NOTCH1: variants seen among roughly 807,000 people sequenced by gnomAD.
NOTCH1 encodes the protein notch receptor 1, also known as neurogenic locus notch homolog protein 1.
NOTCH1 carries 37 observed loss-of-function variants against 254.8 expected under a neutral mutation model. The observed-to-expected ratio is 0.15, with a 90% CI of 0.11 to 0.19. NOTCH1 has a LOEUF of 0.19. Among genes scored for constraint, NOTCH1 ranks in the 10% least tolerant of loss-of-function variants. The pLI, the probability that NOTCH1 is intolerant of heterozygous loss-of-function variation, is 1.00. For missense variants in NOTCH1, 2,972 were observed against 3,708.6 expected, an observed-to-expected ratio of 0.80 and a Z score of 5.16; for synonymous variants, 1,731 against 1,618.1, an observed-to-expected ratio of 1.07 and a Z score of -1.68.
Position 136,513,399 on chromosome 9 carries a change from G to A in NOTCH1, c.2346C>T (p.Gly782=). The A allele has an allele frequency of 1.9e-6, 3 of 1,612,890 alleles. No individual in the cohort carries two copies. Among genetic ancestry groups the A allele is most frequent in the Non-Finnish European group, 2.5e-6 (3 of 1,180,008 alleles). Residue 782 remains glycine (G), a synonymous_variant, in exon 14 of 34, where the codon GGC becomes GGT. Coordinates refer to ENST00000651671, the MANE Select transcript of NOTCH1 (RefSeq NM_017617.5). The surrounding 1 kb of genome is among the most constrained non-coding windows in gnomAD (Gnocchi z 4.7). ...AACGCGCAGCCCACTCACCGCTGAAGCCCTCCCGGCAGGTGCACACGTAGC... is the reference window on the plus strand; with the variant it reads ...AACGCGCAGCCCACTCACCGCTGAAACCCTCCCGGCAGGTGCACACGTAGC... The part of the protein sequence containing the change: ...TSGYVCTCRE[G]FSGPNCQTNI...
At chr9:136,521,553 G>A (rs151312659) in intron 4 of NOTCH1, among the ~76,000 whole-genome samples, 3 of 152,214 alleles carry the variant, frequency 2.0e-5, no homozygotes, top group East Asian at 1.9e-4. Flanking sequence ...CCTGAACCAC[G>A]GCCCCCCAAG....
chr9:136,496,671 GGCAGCA>G lies in NOTCH1; in HGVS notation c.7062_7067del (p.Ala2355_Ala2356del). On this transcript the variant is annotated inframe_deletion, in exon 34 of 34. Coordinates refer to ENST00000651671, the MANE Select transcript of NOTCH1 (RefSeq NM_017617.5). ...AGCTCATCATCTGGGACAGGGCGCT[GGCAGCA>G]AGGCTACTGTGCAGCGGGCCTACCA... is the stretch of plus-strand genomic sequence containing the variant. 6.2e-7 allele frequency: 1 copy of G among 1,612,924 alleles called. No individual in the cohort carries two copies. The highest frequency in any genetic ancestry group is 8.5e-7 in the Non-Finnish European group (1 of 1,179,924).
rs376645708 is a variant in NOTCH1, at chr9:136,497,676, A to T, written c.6181-118T>A. The T allele has an allele frequency of 5.6e-5, 46 of 818,160 alleles. No homozygotes were observed. The African/African-American group carries it at 7.7e-4, about 14-fold the overall frequency. The allele number at this position is 818,160 out of a possible 1,614,324, so 50.7% of individuals were successfully genotyped here. A position where few individuals can be genotyped will look rare whatever the true frequency, so the allele number is the denominator to read the frequency against. On this transcript the variant is annotated intron_variant, in intron 33 of 33. Coordinates refer to ENST00000651671, the MANE Select transcript of NOTCH1 (RefSeq NM_017617.5). ...CCTCCTCCGCGGGGTGGGGGCAGGCAGGCTGCTCCTCAGGACCCCACCCCA... is the reference window on the plus strand; with the variant it reads ...CCTCCTCCGCGGGGTGGGGGCAGGCTGGCTGCTCCTCAGGACCCCACCCCA...
chr9:136,525,594 G>A (rs1449204479), intron 2 of NOTCH1, among the ~76,000 whole-genome samples: 1 of 152,202 alleles, frequency 6.6e-6, no homozygotes, highest in Non-Finnish European at 1.5e-5. Context: ...TGGGTGCGGG[G>A]CTGCGGCGGC....
intron 30 of NOTCH1, among the ~76,000 whole-genome samples, chr9:136,501,265 C>G (rs1182285887): frequency 6.6e-6 from 1 of 151,908 alleles, no homozygotes; most frequent in African/African-American, 2.4e-5. Context: ...GAAACCCCAT[C>G]GCTGCTAAAA....
chr9:136,521,530 C>T (rs892854173), intron 4 of NOTCH1, among the ~76,000 whole-genome samples: 2 of 152,210 alleles, frequency 1.3e-5, no homozygotes, highest in East Asian at 3.9e-4. Flanking sequence ...CGCACACACC[C>T]CACCTGCCCT....
In NOTCH1 at chr9:136,515,703, C is replaced by T. The variant is rs766351093; in HGVS notation, c.1683G>A (p.Thr561=). ...ACTCATCGATGTCCACCTCGCAGTG[C>T]GTCCCCGTGTACCCTGGACCGTGGG... ...TCVCTEGYTG[T]HCEVDIDECD... is the part of the protein sequence containing the mutation. The change falls in exon 11 of 34, where the codon ACG becomes ACA. Residue 561 remains threonine, a synonymous_variant. Transcript: ENST00000651671. The T allele has an allele frequency of 2.7e-5, 42 of 1,541,972 alleles. No homozygotes were observed. Among genetic ancestry groups the T allele is most frequent in the African/African-American group, 5.5e-5 (4 of 73,168 alleles).
In NOTCH1 at chr9:136,510,662, AGTC is replaced by A. The variant is rs781069219; in HGVS notation, c.2728_2730del (p.Asp910del). On this transcript the variant is annotated inframe_deletion, in exon 17 of 34. Transcript: ENST00000651671. ...CCGCGGGGCTACTCACTGGGCCGGCAGTCGTCGATGTCGGTCTCGCAGTTGCGC... is the reference window on the plus strand; with the variant it reads ...CCGCGGGGCTACTCACTGGGCCGGCAGTCGATGTCGGTCTCGCAGTTGCGC... 6.8e-6 allele frequency: 11 copies of A among 1,606,616 alleles called. No homozygotes were observed.
At chr9:136,543,470 C>T (rs1295149965) in intron 2 of NOTCH1, 14 of 258,490 alleles carry the variant, frequency 5.4e-5, no homozygotes, top group South Asian at 1.0e-4. Context: ...GAGGCATTGC[C>T]GCCAGCCCAG....
chr9:136,511,243 C>A lies in NOTCH1; in HGVS notation c.2496G>T (p.Pro832=), dbSNP rs61751551. The A allele has an allele frequency of 4.3e-4, 698 of 1,612,436 alleles. 4 individuals carry two copies. In the African/African-American group the frequency reaches 6.3e-3, roughly 15 times the overall value. Residue 832 remains proline, a synonymous_variant, in exon 16 of 34, where the codon CCG becomes CCT. Coordinates refer to ENST00000651671, the MANE Select transcript of NOTCH1 (RefSeq NM_017617.5). ...TGATCEVVLA[P]CAPSPCRNGG... Reference sequence around the variant, plus strand: ...CGTTTCTGCAGGGGCTGGGGGCACACGGGGCCAGCACCACCTCACACGTGG... The same window carrying A: ...CGTTTCTGCAGGGGCTGGGGGCACAAGGGGCCAGCACCACCTCACACGTGG...
intron 2 of NOTCH1, among the ~76,000 whole-genome samples, chr9:136,525,730 T>A (rs1250342988): frequency 6.6e-6 from 1 of 152,210 alleles, no homozygotes; most frequent in Non-Finnish European, 1.5e-5. Flanking sequence ...GTGCTATGTG[T>A]GGCAGTGGCC....
At position 136,513,688 on chromosome 9, in the gene NOTCH1, G is replaced by T; in HGVS notation, c.2208-151C>A. 2.4e-6 allele frequency: 2 copies of T among 831,462 alleles called. No homozygotes were observed. Among genetic ancestry groups the T allele is most frequent in the South Asian group, 3.2e-5 (2 of 63,172 alleles). The allele number at this position is 831,462 out of a possible 1,614,324, so 51.5% of individuals were successfully genotyped here. On this transcript the variant is annotated intron_variant, in intron 13 of 33. Transcript: ENST00000651671. This position sits in a 1 kb window ranked among gnomAD's most constrained non-coding sequence, Gnocchi z 4.7. Reference sequence around the variant, plus strand: ...CTTTAGTGGGGGCAGGCTGGGCGCTGTGGCTCACACCTGTAATCCCAGCAC... The same window carrying T: ...CTTTAGTGGGGGCAGGCTGGGCGCTTTGGCTCACACCTGTAATCCCAGCAC...
At chr9:136,512,906 C>CGGG in intron 15 of NOTCH1, 115 bp downstream of exon 15, 2 of 500,926 alleles carry the variant, frequency 4.0e-6, no homozygotes, top group Non-Finnish European at 7.6e-6. Flanking sequence ...CTTCCCAGGC[C>CGGG]GCCCCCACCC....
chr9:136,525,220 G>C (rs1392877330), intron 2 of NOTCH1, among the ~76,000 whole-genome samples: 1 of 152,122 alleles, frequency 6.6e-6, no homozygotes, highest in Non-Finnish European at 1.5e-5. Flanking sequence ...CCCTCACCCC[G>C]GACACACAGT....
At position 136,513,519 on chromosome 9, in the gene NOTCH1, G is replaced by T. The variant is rs201889382; in HGVS notation, c.2226C>A (p.Asp742Glu). The T allele has an allele frequency of 1.2e-6, 2 of 1,613,112 alleles. No individual in the cohort carries two copies. Among genetic ancestry groups the T allele is most frequent in the Admixed American group, 3.3e-5 (2 of 60,016 alleles). Residue 742 changes from aspartate to glutamate, a missense_variant, in exon 14 of 34, where the codon GAC (aspartate) becomes GAA (glutamate). By Grantham distance (45) the Asp-to-Glu change is conservative. This residue lies in a region of NOTCH1 where 1,343 missense variants were observed against 1,557.0 expected (regional missense o/e 0.86). Transcript: ENST00000651671. This position sits in a 1 kb window ranked among gnomAD's most constrained non-coding sequence, Gnocchi z 4.7. ...DSLNGYKCDC[D>E]PGWSGTNCDI... is the part of the protein sequence containing the mutation. The stretch of plus-strand genomic sequence containing the variant: ...CACAGTTGGTCCCACTCCACCCAGG[G>T]TCACAGTCGCACTTGTACCTGCAAG...
chr9:136,520,862 G>T (rs1564201748), intron 4 of NOTCH1, among the ~76,000 whole-genome samples: 1 of 152,206 alleles, frequency 6.6e-6, no homozygotes, highest in Non-Finnish European at 1.5e-5. Context: ...GCCCTGCAAA[G>T]CACTGGCTGA....
chr9:136,530,890 T>C (rs952574271), intron 2 of NOTCH1, among the ~76,000 whole-genome samples: 20 of 151,970 alleles, frequency 1.3e-4, no homozygotes, highest in Admixed American at 7.9e-4. Flanking sequence ...CAAACCACAC[T>C]CCATGAATGA....
chr9:136,544,163 G>A, intron 1 of NOTCH1, 61 bp from the exon 2 acceptor site: 2 of 1,474,842 alleles, frequency 1.4e-6, no homozygotes, highest in South Asian at 2.4e-5. Context: ...CGAAGGCCCT[G>A]GTTACCCTGG....
At chr9:136,531,302 C>T (rs1843554640) in intron 2 of NOTCH1, among the ~76,000 whole-genome samples, 1 of 152,236 alleles carries the variant, frequency 6.6e-6, no homozygotes, top group African/African-American at 2.4e-5. Flanking sequence ...CAGCTATGCC[C>T]AGCACACCAC....
Sources: gnomAD v4.1 joint callset for allele counts (sites outside exome capture counted in the v4.1 genomes callset) on GRCh38, gnomAD v4.1.1 for gene constraint, gnomAD v4.1.1 regional missense constraint, Gnocchi (gnomAD v3.1) non-coding constraint, MANE v1.5 for transcripts, NCBI Gene and HGNC (gene_info 2026-07-23, HGNC 2026-07-21) for gene names.